NRDE2: variants seen among roughly 807,000 people sequenced by gnomAD.
NRDE2 encodes the protein nuclear exosome regulator NRDE2.
In NRDE2, 76 loss-of-function variants were observed where a neutral mutation model predicts 124.2. The ratio of observed to expected loss-of-function variants is 0.61; its 90% CI spans 0.51 to 0.74. The LOEUF (loss-of-function observed/expected upper bound fraction) is 0.74, where lower values mean the gene tolerates loss of function less well. NRDE2 is among the 30% of genes least tolerant of loss of function. The pLI is 0.00. For synonymous variants in NRDE2, 489 were observed against 528.1 expected, an observed-to-expected ratio of 0.93 and a Z score of 1.01; for missense variants, 1,314 against 1,417.3, an observed-to-expected ratio of 0.93 and a Z score of 1.17.
At chr14:90,295,407 C>T (rs1179507343) in intron 8 of NRDE2, among the ~76,000 whole-genome samples, 13 of 152,154 alleles carry the variant, frequency 8.5e-5, no homozygotes. Context: ...TGCCTAAATG[C>T]TCTTCTGAGT....
At position 90,273,928 on chromosome 14, in the gene NRDE2, C is replaced by T. The variant is rs1891732483; in HGVS notation, c.*4408G>A. 2 of 154,866 alleles carry T rather than the reference C, an allele frequency of 1.3e-5. No individual in the cohort carries two copies. The highest frequency in any genetic ancestry group is 6.5e-5 in the Admixed American group (1 of 15,290). The allele number at this position is 154,866 out of a possible 1,614,324, so 9.6% of individuals were successfully genotyped here. A position where few individuals can be genotyped will look rare whatever the true frequency, so the allele number is the denominator to read the frequency against. On this transcript the variant is annotated 3_prime_UTR_variant, in exon 14 of 14. Transcript: ENST00000354366. Reference sequence around the variant, plus strand: ...CTATTCTTATGGATCCTTGTGATTGCATTGGACCCATGCAGATGATCCAGG... The same window carrying T: ...CTATTCTTATGGATCCTTGTGATTGTATTGGACCCATGCAGATGATCCAGG...
At chr14:90,323,202 A>G (rs2139714101) in intron 1 of NRDE2, among the ~76,000 whole-genome samples, 1 of 152,350 alleles carries the variant, frequency 6.6e-6, no homozygotes, top group Non-Finnish European at 1.5e-5. Flanking sequence ...AATTTAACAG[A>G]AAATAATATA....
Position 90,270,312 on chromosome 14 carries a change from T to G in NRDE2, c.*8024A>C. The G allele has an allele frequency of 6.2e-7, 1 of 1,613,706 alleles. No individual in the cohort carries two copies. The highest frequency in any genetic ancestry group is 8.5e-7 in the Non-Finnish European group (1 of 1,179,948). On this transcript the variant is annotated 3_prime_UTR_variant, in exon 14 of 14. Coordinates refer to ENST00000354366, the MANE Select transcript of NRDE2 (RefSeq NM_017970.4). ...GCTGATGATGTAACCCTGGACGACC[T>G]GATCATGGCTAAAGATGACCTCTCT...
At position 90,269,256 on chromosome 14, in the gene NRDE2, G is replaced by A. The variant is rs548907076; in HGVS notation, c.*9080C>T. The A allele has an allele frequency of 3.4e-5, 24 of 702,156 alleles. No homozygotes were observed. In the East Asian group the frequency reaches 5.4e-4, roughly 16 times the overall value. The allele number at this position is 702,156 out of a possible 1,614,324, so 43.5% of individuals were successfully genotyped here. A position where few individuals can be genotyped will look rare whatever the true frequency, so the allele number is the denominator to read the frequency against. Reference sequence around the variant, plus strand: ...AAGGGGTGCTGAATTTATTTTTTCCGAGCATAATTGAGGGAGTGCCATGTG... The same window carrying A: ...AAGGGGTGCTGAATTTATTTTTTCCAAGCATAATTGAGGGAGTGCCATGTG... On this transcript the variant is annotated 3_prime_UTR_variant, in exon 14 of 14. Coordinates refer to ENST00000354366, the MANE Select transcript of NRDE2 (RefSeq NM_017970.4).
chr14:90,292,658 C>A (rs764357247), intron 9 of NRDE2, 39 bp downstream of exon 9: 5 of 1,596,134 alleles, frequency 3.1e-6, no homozygotes, highest in Non-Finnish European at 3.4e-6. Context: ...AGGCAGGGAC[C>A]CCCTGGACAG....
chr14:90,274,457 AG>A lies in NRDE2; in HGVS notation c.*3878del, dbSNP rs779592678. On this transcript the variant is annotated 3_prime_UTR_variant, in exon 14 of 14. Coordinates refer to ENST00000354366, the MANE Select transcript of NRDE2 (RefSeq NM_017970.4). The stretch of plus-strand genomic sequence containing the variant: ...AGTTAGACACAGAAAGAAGAAAACA[AG>A]AACGACCTCTGTCCACTGGGAGCAC... 6.5e-6 allele frequency: 1 copy of A among 152,924 alleles called. No homozygotes were observed. 9.5% of individuals were successfully genotyped at this position (152,924 alleles called of 1,614,324 possible). A position where few individuals can be genotyped will look rare whatever the true frequency, so the allele number is the denominator to read the frequency against.
chr14:90,290,486 GAGGCTGGAGGAGTAAAGCCAGA>G lies in NRDE2; in HGVS notation c.1942_1963del (p.Ser648ProfsTer23). 6.2e-7 allele frequency: 1 copy of G among 1,614,048 alleles called. No individual in the cohort carries two copies. The highest frequency in any genetic ancestry group is 8.5e-7 in the Non-Finnish European group (1 of 1,179,992). On this transcript the variant is annotated frameshift_variant, in exon 10 of 14. Transcript: ENST00000354366. LOFTEE classifies it high-confidence loss of function. ...CTCATCCATGGCCAGATAAAGACAG[GAGGCTGGAGGAGTAAAGCCAGA>G]AGGCACACCCAAGAACTGCAGGAAG...
chr14:90,290,554 A>G lies in NRDE2; in HGVS notation c.1896T>C (p.Leu632=). The G allele has an allele frequency of 6.2e-7, 1 of 1,613,760 alleles. No homozygotes were observed. Among genetic ancestry groups the G allele is most frequent in the Non-Finnish European group, 8.5e-7 (1 of 1,179,854 alleles). The change falls in exon 10 of 14, where the codon CTT becomes CTC. Residue 632 remains leucine, a synonymous_variant. Transcript: ENST00000354366. ...GGAAGGCCTCCACCAGCTGGAACTG[A>G]AGATCATGGCTGGAAAGTCTGATCA... The part of the protein sequence containing the change: ...QSLIRLSSHD[L]QFQLVEAFLQ...
At chr14:90,323,443 T>C (rs1348737319) in intron 1 of NRDE2, among the ~76,000 whole-genome samples, 5 of 152,196 alleles carry the variant, frequency 3.3e-5, no homozygotes, top group Non-Finnish European at 7.3e-5. Context: ...ATAGCACTGA[T>C]TACTAGTTTG....
intron 4 of NRDE2, among the ~76,000 whole-genome samples, chr14:90,305,534 A>G (rs1223336223): frequency 1.3e-5 from 2 of 152,244 alleles, no homozygotes; most frequent in South Asian, 2.1e-4. Context: ...GTGTCCATCA[A>G]TAGAAGATGG....
Position 90,268,070 on chromosome 14 carries a change from G to A in NRDE2, c.*10266C>T, listed in dbSNP as rs75175021. The A allele has an allele frequency of 7.2e-4, 427 of 593,424 alleles. 1 individual carries two copies. Among genetic ancestry groups the A allele is most frequent in the African/African-American group, 5.2e-3 (276 of 53,544 alleles). The allele number at this position is 593,424 out of a possible 1,614,324, so 36.8% of individuals were successfully genotyped here. On this transcript the variant is annotated 3_prime_UTR_variant, in exon 14 of 14. Coordinates refer to ENST00000354366, the MANE Select transcript of NRDE2 (RefSeq NM_017970.4). The stretch of plus-strand genomic sequence containing the variant: ...TAAATGTCCTCTTATCTACTTAGGA[G>A]AATGGAATGTCGTGACACTTGAATT...
chr14:90,291,882 G>C (rs1892279681), intron 9 of NRDE2, among the ~76,000 whole-genome samples: 1 of 152,224 alleles, frequency 6.6e-6, no homozygotes, highest in African/African-American at 2.4e-5. Context: ...GCTCACCACA[G>C]GACAAATGCT....
intron 4 of NRDE2, among the ~76,000 whole-genome samples, chr14:90,306,980 T>C (rs1884626041): frequency 2.0e-5 from 3 of 152,234 alleles, no homozygotes; most frequent in South Asian, 2.1e-4. Context: ...ATAAAATCTC[T>C]TGAAAAATGT....
chr14:90,328,179 T>C (rs1246022340), intron 1 of NRDE2, among the ~76,000 whole-genome samples: 1 of 149,296 alleles, frequency 6.7e-6, no homozygotes, highest in African/African-American at 2.5e-5. Context: ...TGGTGGCGCA[T>C]GCCTGTAGTC....
rs150533632 is a variant in NRDE2 at position 90,290,376 on chromosome 14, G to A, written c.2074C>T (p.Arg692Cys). ...PLFSGASCVG[R>C]MDRLGYPRWT... is the part of the protein sequence containing the mutation. ...CGAGGATAGCCCAACCTATCCATGC[G>A]GCCAACACAGCTAGCCCCAGAAAAC... The change falls in exon 10 of 14, where the codon CGC (arginine) becomes TGC (cysteine). Residue 692 changes from arginine to cysteine, a missense_variant. By Grantham distance (180) the Arg-to-Cys change is radical (BLOSUM62 -3). Coordinates refer to ENST00000354366, the MANE Select transcript of NRDE2 (RefSeq NM_017970.4). 111 of 1,613,910 alleles carry A rather than the reference G, an allele frequency of 6.9e-5. No homozygotes were observed. Among genetic ancestry groups the A allele is most frequent in the Non-Finnish European group, 8.3e-5 (98 of 1,180,032 alleles).
chr14:90,315,232 G>A (rs1884999226), intron 3 of NRDE2, among the ~76,000 whole-genome samples: 1 of 147,698 alleles, frequency 6.8e-6, no homozygotes, highest in African/African-American at 2.5e-5. Context: ...TTAGCTGGGT[G>A]TGGTGATGCA....
intron 6 of NRDE2, chr14:90,301,850 A>T: frequency 2.2e-6 from 1 of 455,538 alleles, no homozygotes; most frequent in Non-Finnish European, 4.4e-6. Context: ...AGTTCATCTT[A>T]CTTTTGGTAC....
rs551740176 is a variant in NRDE2, at chr14:90,304,391, A to G, written c.558-9T>C. 7 of 1,571,142 alleles carry G rather than the reference A, an allele frequency of 4.5e-6. No homozygotes were observed. The South Asian group carries it at 8.2e-5, about 18-fold the overall frequency. The stretch of plus-strand genomic sequence containing the variant: ...CTCCTTTCCTCTTGTATCTGATATT[A>G]GAAAAAGAAAAAAAGTTACTGAGGG... On this transcript the variant is annotated splice_polypyrimidine_tract_variant and intron_variant, in intron 4 of 13. Transcript: ENST00000354366.
chr14:90,308,137 C>G (rs1036007528), intron 4 of NRDE2, among the ~76,000 whole-genome samples: 2 of 152,114 alleles, frequency 1.3e-5, no homozygotes, highest in African/African-American at 4.8e-5. Flanking sequence ...AAGTTGGCTC[C>G]TAAACATAAG....
Sources: gnomAD v4.1 joint callset for allele counts (sites outside exome capture counted in the v4.1 genomes callset) on GRCh38, gnomAD v4.1.1 for gene constraint, MANE v1.5 for transcripts, NCBI Gene and HGNC (gene_info 2026-07-23, HGNC 2026-07-21) for gene names.